KCNQ1: variants seen among roughly 807,000 people sequenced by gnomAD.
The protein encoded by KCNQ1 is potassium voltage-gated channel subfamily KQT member 1.
A neutral mutation model predicts 72.4 loss-of-function variants in KCNQ1; 49 were observed. The observed-to-expected ratio is 0.68, with a 90% CI of 0.54 to 0.86. The LOEUF is 0.86. Ranked by LOEUF, KCNQ1 falls within the 40% of genes least tolerant of loss-of-function variation. The pLI is 0.00. For synonymous variants in KCNQ1, 450 were observed against 412.6 expected, an observed-to-expected ratio of 1.09 and a Z score of -1.10; for missense variants, 790 against 945.1, an observed-to-expected ratio of 0.84 and a Z score of 2.15.
rs1850288070 is a variant in KCNQ1 at position 2,676,069 on chromosome 11, A to G, written c.1514+13988A>G. 2.5e-6 allele frequency: 1 copy of G among 398,658 alleles called. No individual in the cohort carries two copies. Among genetic ancestry groups the G allele is most frequent in the Non-Finnish European group, 4.4e-6 (1 of 226,070 alleles). 24.7% of individuals were successfully genotyped at this position (398,658 alleles called of 1,614,324 possible). On this transcript the variant is annotated intron_variant, in intron 11 of 15. Transcript: ENST00000155840. The surrounding 1 kb of genome is among the most constrained non-coding windows in gnomAD (Gnocchi z 4.2). ...TTGCATCTTTCCAGACGTATTTTATATAAACAAATATACGTGTGTCTGTGT... is the reference window on the plus strand; with the variant it reads ...TTGCATCTTTCCAGACGTATTTTATGTAAACAAATATACGTGTGTCTGTGT...
In KCNQ1 at chr11:2,723,274, C is replaced by T. The variant is rs1845702831; in HGVS notation, c.1515-45570C>T. 6.6e-6 allele frequency among the ~76,000 whole-genome samples: 1 copy of T among 152,236 alleles called. No individual in the cohort carries two copies. Among genetic ancestry groups the T allele is most frequent in the Non-Finnish European group, 1.5e-5 (1 of 68,042 alleles). ...GGACAAGGTGCCCACGGCCCTGTCC[C>T]ATTTACCGTTGGGGCAAGTGAGGGA... On this transcript the variant is annotated intron_variant, in intron 11 of 15. Transcript: ENST00000155840. This position sits in a 1 kb window ranked among gnomAD's most constrained non-coding sequence, Gnocchi z 4.2.
chr11:2,722,900 C>A (rs147294081), intron 11 of KCNQ1, among the ~76,000 whole-genome samples: 12 of 152,118 alleles, frequency 7.9e-5, no homozygotes, highest in Non-Finnish European at 1.5e-4. Flanking sequence ...GCTGCCTTAG[C>A]GGAGTGGGGG....
chr11:2,699,633 C>CCCCCGGGGACAACCGCGCCGAAGAAA (rs1306654434), intron 11 of KCNQ1: 12 of 354,490 alleles, frequency 3.4e-5, no homozygotes, highest in Non-Finnish European at 5.0e-6. Flanking sequence ...CGCCGAAGAA[C>CCCCCGGGGACAACCGCGCCGAAGAAA]CCCCGGGGAC....
intron 3 of KCNQ1, 116 bp downstream of exon 3, chr11:2,570,870 C>T (rs1589956855): frequency 7.1e-7 from 1 of 1,417,998 alleles, no homozygotes; most frequent in Admixed American, 1.8e-5. Flanking sequence ...CCAAGGCCAG[C>T]AGGGGGTGAC....
At chr11:2,604,754 G>A (rs1034432002) in intron 10 of KCNQ1, among the ~76,000 whole-genome samples, 5 of 151,950 alleles carry the variant, frequency 3.3e-5, no homozygotes, top group Non-Finnish European at 1.5e-5. Flanking sequence ...CATGTTGGCC[G>A]AGATGGTCTC....
rs1165480341 is a variant in KCNQ1 at position 2,710,151 on chromosome 11, T to C, written c.1514+48070T>C. 6.6e-6 allele frequency among the ~76,000 whole-genome samples: 1 copy of C among 152,234 alleles called. No individual in the cohort carries two copies. The highest frequency in any genetic ancestry group is 1.5e-5 in the Non-Finnish European group (1 of 68,036). On this transcript the variant is annotated intron_variant, in intron 11 of 15. Transcript: ENST00000155840. This position sits in a 1 kb window ranked among gnomAD's most constrained non-coding sequence, Gnocchi z 4.1. ...CTCTCCACATTCTCACCAACACTTG[T>C]TACTGTCTGCCGTTTTCATTTTAGC...
rs150225626 is a variant in KCNQ1, at chr11:2,464,570, A to G, written c.386+19086A>G. Among the ~76,000 whole-genome samples, 2,352 of 151,472 alleles carry G rather than the reference A, an allele frequency of 0.016. 34 individuals carry two copies. The highest frequency in any genetic ancestry group is 0.054 in the South Asian group (258 of 4,760). On this transcript the variant is annotated intron_variant, in intron 1 of 15. Coordinates refer to ENST00000155840, the MANE Select transcript of KCNQ1 (RefSeq NM_000218.3). The surrounding 1 kb of genome is among the most constrained non-coding windows in gnomAD (Gnocchi z 5.0). ...CCTGGCCCCTGGCTGCTGCCCCCAC[A>G]TTGGGCCCTGCACCAGGCATGAGTC...
At chr11:2,485,984 A>C (rs1008034158) in intron 1 of KCNQ1, among the ~76,000 whole-genome samples, 1 of 152,234 alleles carries the variant, frequency 6.6e-6, no homozygotes, top group Admixed American at 6.5e-5. Flanking sequence ...AGCTATTGTG[A>C]ATAATGCTAC....
intron 15 of KCNQ1, among the ~76,000 whole-genome samples, chr11:2,798,486 G>A (rs1288469640): frequency 6.6e-6 from 1 of 151,962 alleles, no homozygotes; most frequent in East Asian, 1.9e-4. Flanking sequence ...GGGGTTTGCG[G>A]CAGCAGCAGC....
intron 1 of KCNQ1, among the ~76,000 whole-genome samples, chr11:2,480,933 C>T (rs550903451): frequency 2.3e-4 from 35 of 152,270 alleles, no homozygotes; most frequent in East Asian, 5.8e-4. Context: ...TGGAGCAGGA[C>T]GGGGGCAGTG....
intron 10 of KCNQ1, chr11:2,644,010 T>C: frequency 2.5e-6 from 1 of 398,582 alleles, no homozygotes. Flanking sequence ...ACAACCTCTT[T>C]TATCGCTGGT....
intron 10 of KCNQ1, chr11:2,628,008 C>A (rs1302609671): frequency 5.0e-6 from 2 of 398,466 alleles, no homozygotes; most frequent in African/African-American, 2.1e-5. Flanking sequence ...ACCTTGGCCA[C>A]CCCCAAGTAC....
intron 10 of KCNQ1, among the ~76,000 whole-genome samples, chr11:2,605,301 C>T (rs1483971819): frequency 6.6e-6 from 1 of 152,050 alleles, no homozygotes; most frequent in Non-Finnish European, 1.5e-5. Context: ...TTATGAAGTC[C>T]AATATATCTA....
chr11:2,841,678 G>A (rs778751965), intron 15 of KCNQ1, among the ~76,000 whole-genome samples: 85 of 152,330 alleles, frequency 5.6e-4, no homozygotes, highest in Middle Eastern at 6.8e-3. Flanking sequence ...AGTAGCTGAC[G>A]GGGACATCCT....
In KCNQ1 at chr11:2,724,200, C is replaced by T. The variant is rs1003657981; in HGVS notation, c.1515-44644C>T. On this transcript the variant is annotated intron_variant, in intron 11 of 15. Coordinates refer to ENST00000155840, the MANE Select transcript of KCNQ1 (RefSeq NM_000218.3). The surrounding 1 kb of genome is among the most constrained non-coding windows in gnomAD (Gnocchi z 6.8). ...ACAGAAAGAAAAACACGCACAGATC[C>T]AGGCTCAGATGATATACAGTCCTCC... Among the ~76,000 whole-genome samples, 6 of 152,190 alleles carry T rather than the reference C, an allele frequency of 3.9e-5. No individual in the cohort carries two copies. The highest frequency in any genetic ancestry group is 1.3e-4 in the Admixed American group (2 of 15,290).
At chr11:2,456,377 C>T (rs1003688166) in intron 1 of KCNQ1, among the ~76,000 whole-genome samples, 15 of 151,848 alleles carry the variant, frequency 9.9e-5, no homozygotes, top group Admixed American at 4.6e-4. Context: ...AGAAAATAGT[C>T]TTCTCAATAT....
Position 2,446,909 on chromosome 11 carries a change from C to G in KCNQ1, c.386+1425C>G, listed in dbSNP as rs949416517. ...TGCAGTGACCCCAGGGGAACCCAGTCCGATGCCACTGTGCAAATGTCTAGC... is the reference window on the plus strand; with the variant it reads ...TGCAGTGACCCCAGGGGAACCCAGTGCGATGCCACTGTGCAAATGTCTAGC... On this transcript the variant is annotated intron_variant, in intron 1 of 15. Coordinates refer to ENST00000155840, the MANE Select transcript of KCNQ1 (RefSeq NM_000218.3). This position sits in a 1 kb window ranked among gnomAD's most constrained non-coding sequence, Gnocchi z 8.8. Among the ~76,000 whole-genome samples the G allele has an allele frequency of 6.6e-6, 1 of 152,186 alleles. No homozygotes were observed. Among genetic ancestry groups the G allele is most frequent in the African/African-American group, 2.4e-5 (1 of 41,452 alleles).
At chr11:2,585,354 ATTG>A in intron 8 of KCNQ1, 47 bp downstream of exon 8, 1 of 1,534,556 alleles carries the variant, frequency 6.5e-7, no homozygotes, top group South Asian at 1.1e-5. Context: ...GGTCACTGTT[ATTG>A]TTGCATCCAG....
intron 11 of KCNQ1, among the ~76,000 whole-genome samples, chr11:2,707,826 C>T (rs1850935934): frequency 6.6e-6 from 1 of 152,250 alleles, no homozygotes; most frequent in African/African-American, 2.4e-5. Context: ...CCCTCTGCCA[C>T]ACGGCCTTGG....
Sources: allele counts gnomAD v4.1 joint callset (sites outside exome capture counted in the v4.1 genomes callset), GRCh38; gene constraint gnomAD v4.1.1; non-coding constraint Gnocchi (gnomAD v3.1); transcripts MANE v1.5; gene names NCBI Gene and HGNC (gene_info 2026-07-23, HGNC 2026-07-21).